The following GSN variants were observed in gnomAD, a reference collection of about 807,000 sequenced individuals.
GSN encodes gelsolin.
In GSN, 56 loss-of-function variants were observed where a neutral mutation model predicts 85.7. That is an observed-to-expected ratio of 0.65 (90% confidence interval 0.53 to 0.82). GSN has a LOEUF of 0.82. Among genes scored for constraint, GSN ranks in the 40% least tolerant of loss-of-function variants. The pLI, the probability that GSN is intolerant of heterozygous loss-of-function variation, is 0.00. For synonymous variants in GSN, 373 were observed against 399.1 expected, an observed-to-expected ratio of 0.93 and a Z score of 0.78; for missense variants, 857 against 979.8, an observed-to-expected ratio of 0.87 and a Z score of 1.67.
At chr9:121,321,011 G>A (rs550130324) in intron 10 of GSN, among the ~76,000 whole-genome samples, 2 of 152,146 alleles carry the variant, frequency 1.3e-5, no homozygotes, top group African/African-American at 2.4e-5. Context: ...CTGCCTTGAC[G>A]ATCCTCAGCG....
At chr9:121,317,341 T>C (rs2061839348) in intron 8 of GSN, 123 bp downstream of exon 8, 4 of 1,121,972 alleles carry the variant, frequency 3.6e-6, no homozygotes, top group Admixed American at 3.4e-5. Flanking sequence ...AAATCAGAAG[T>C]CTTGGGCTGA....
At chr9:121,320,245 G>A (rs972281334) in intron 10 of GSN, among the ~76,000 whole-genome samples, 7 of 152,206 alleles carry the variant, frequency 4.6e-5, no homozygotes, top group African/African-American at 9.6e-5. Flanking sequence ...GCCGGGCCTC[G>A]TGACCACTTG....
At chr9:121,270,976 T>C (rs1229870069) in intron 1 of GSN, among the ~76,000 whole-genome samples, 1 of 152,174 alleles carries the variant, frequency 6.6e-6, no homozygotes, top group Non-Finnish European at 1.5e-5. Flanking sequence ...GGACCCCCAG[T>C]CTTGGTTCTT....
intron 6 of GSN, 187 bp from the exon 7 acceptor site, chr9:121,313,747 T>C: frequency 1.6e-6 from 1 of 634,618 alleles, no homozygotes; most frequent in South Asian, 1.8e-5. Flanking sequence ...GGAGACAAGG[T>C]GGAAGGGACC....
upstream of GSN, among the ~76,000 whole-genome samples, chr9:121,202,851 G>T (rs961497086): frequency 1.3e-5 from 2 of 152,208 alleles, no homozygotes; most frequent in African/African-American, 4.8e-5. Context: ...AGCCGGCCGG[G>T]CGCGGTGGCT....
chr9:121,258,464 GA>G (rs11283976), intron 6 of GSN, among the ~76,000 whole-genome samples: 125,026 of 145,070 alleles, frequency 0.86, 53,700 homozygotes, highest in East Asian at 0.98. Flanking sequence ...CTCCTTATCA[GA>G]AAAAAAAAAA....
chr9:121,236,646 AG>A (rs1356794069), intron 5 of GSN, among the ~76,000 whole-genome samples: 3 of 152,354 alleles, frequency 2.0e-5, no homozygotes, highest in Admixed American at 1.3e-4. Context: ...TGCATGGAGT[AG>A]GGAAGTTGCT....
chr9:121,207,202 C>T (rs1337297031), upstream of GSN, among the ~76,000 whole-genome samples: 1 of 152,202 alleles, frequency 6.6e-6, no homozygotes, highest in African/African-American at 2.4e-5. Flanking sequence ...ACTCTACTTG[C>T]AAGCTAACAA....
At chr9:121,246,805 C>A (rs1473543589) in intron 5 of GSN, among the ~76,000 whole-genome samples, 3 of 152,118 alleles carry the variant, frequency 2.0e-5, no homozygotes, top group Non-Finnish European at 4.4e-5. Flanking sequence ...TTTTTTTCTC[C>A]AGACCCAGTT....
At chr9:121,300,439 C>G (rs2059711057) in intron 2 of GSN, among the ~76,000 whole-genome samples, 2 of 152,074 alleles carry the variant, frequency 1.3e-5, no homozygotes, top group Admixed American at 6.5e-5. Context: ...TGCTTATGGT[C>G]ATTATTATCA....
At chr9:121,212,894 C>A (rs1183933032) in intron 4 of GSN, among the ~76,000 whole-genome samples, 2 of 152,064 alleles carry the variant, frequency 1.3e-5, no homozygotes, top group Non-Finnish European at 2.9e-5. Flanking sequence ...AGTAATCCAC[C>A]CACCTCGGCC....
Position 121,300,122 on chromosome 9 carries a change from G to A in GSN, c.-9-1841G>A, listed in dbSNP as rs533799171. 22 of 1,606,604 alleles carry A rather than the reference G, an allele frequency of 1.4e-5. No individual in the cohort carries two copies. In the African/African-American group the frequency reaches 2.5e-4, roughly 19 times the overall value. The stretch of plus-strand genomic sequence containing the variant: ...TCTAGAATGGAAAAACTGTTTTGTT[G>A]CTTTGTAAGTATCTCTTGCTGCTTC... On this transcript the variant is annotated intron_variant, in intron 2 of 17. Transcript: ENST00000432226.
chr9:121,331,051 G>A (rs2063827975), intron 16 of GSN, among the ~76,000 whole-genome samples: 1 of 152,130 alleles, frequency 6.6e-6, no homozygotes, highest in South Asian at 2.1e-4. Flanking sequence ...ATCTCAAAGG[G>A]GCAGCTCCTG....
At chr9:121,324,191 G>A (rs78757945) in intron 11 of GSN, among the ~76,000 whole-genome samples, 2 of 152,238 alleles carry the variant, frequency 1.3e-5, no homozygotes, top group African/African-American at 4.8e-5. Flanking sequence ...TTGCTATTCT[G>A]CGACCTGCTT....
intron 1 of GSN, among the ~76,000 whole-genome samples, chr9:121,269,376 G>A (rs1028934847): frequency 1.3e-5 from 2 of 152,168 alleles, no homozygotes; most frequent in African/African-American, 4.8e-5. Context: ...TTTATGATGG[G>A]CTAATTGTCA....
At chr9:121,241,581 C>T (rs185665382) in intron 5 of GSN, among the ~76,000 whole-genome samples, 89 of 152,300 alleles carry the variant, frequency 5.8e-4, no homozygotes, top group Non-Finnish European at 1.1e-3. Flanking sequence ...AGAGCTGTAG[C>T]AATGATCATG....
At chr9:121,205,081 C>T (rs2053861148), upstream of GSN, among the ~76,000 whole-genome samples, 1 of 152,158 alleles carries the variant, frequency 6.6e-6, no homozygotes, top group African/African-American at 2.4e-5. Context: ...GTGGCTGGGG[C>T]CAGCTACCTT....
chr9:121,317,385 C>A, intron 8 of GSN, 167 bp downstream of exon 8: 1 of 752,654 alleles, frequency 1.3e-6, no homozygotes, highest in South Asian at 1.5e-5. Flanking sequence ...ACTGTGTGAT[C>A]TTGGGCACTT....
At chr9:121,202,353 T>C in the GSN span, among the ~76,000 whole-genome samples, 1 of 152,240 alleles carries the variant, frequency 6.6e-6, no homozygotes, top group African/African-American at 2.4e-5. Flanking sequence ...GCTTCGTATA[T>C]ACCGGTCCTG....
Sources: allele counts gnomAD v4.1 joint callset (sites outside exome capture counted in the v4.1 genomes callset), GRCh38; gene constraint gnomAD v4.1.1; transcripts MANE v1.5; gene names NCBI Gene and HGNC (gene_info 2026-07-23, HGNC 2026-07-21).